DTD1: variants seen among roughly 807,000 people sequenced by gnomAD.
DTD1 encodes D-tyrosyl-tRNA deacylase 1 homolog.
A neutral mutation model predicts 25.6 loss-of-function variants in DTD1; 13 were observed. That is an observed-to-expected ratio of 0.51 (90% CI 0.33 to 0.81). The LOEUF is 0.81. Ranked by LOEUF, DTD1 falls within the 30% of genes least tolerant of loss-of-function variation. The pLI is 0.02. For missense variants in DTD1, 193 were observed against 266.4 expected, an observed-to-expected ratio of 0.72 and a Z score of 1.92; for synonymous variants, 110 against 103.6, an observed-to-expected ratio of 1.06 and a Z score of -0.37.
chr20:18,706,485 T>C (rs983073917), intron 4 of DTD1, among the ~76,000 whole-genome samples: 7 of 152,228 alleles, frequency 4.6e-5, no homozygotes, highest in Non-Finnish European at 1.0e-4. Flanking sequence ...AGGTAACCTG[T>C]CAGGTGGGTG....
intron 3 of DTD1, among the ~76,000 whole-genome samples, chr20:18,627,605 C>T (rs2060764792): frequency 6.6e-6 from 1 of 152,168 alleles, no homozygotes; most frequent in South Asian, 2.1e-4. Context: ...GCTAACTTTT[C>T]CTGTGTTGAG....
At chr20:18,661,606 C>G (rs1014366159) in intron 4 of DTD1, among the ~76,000 whole-genome samples, 1 of 152,088 alleles carries the variant, frequency 6.6e-6, no homozygotes, top group African/African-American at 2.4e-5. Context: ...CTCCTGACCT[C>G]GTGATCTGCC....
At chr20:18,680,934 G>A (rs369810452) in intron 4 of DTD1, among the ~76,000 whole-genome samples, 41 of 152,230 alleles carry the variant, frequency 2.7e-4, no homozygotes, top group African/African-American at 6.7e-4. Flanking sequence ...CTGTTACTGC[G>A]TCCCCAGGAA....
In DTD1 at chr20:18,596,043, G is replaced by A. The variant is rs1460260732; in HGVS notation, c.172G>A (p.Glu58Lys). 5.0e-6 allele frequency: 8 copies of A among 1,614,190 alleles called. No individual in the cohort carries two copies. The highest frequency in any genetic ancestry group is 6.8e-6 in the Non-Finnish European group (8 of 1,180,038). Reference protein sequence around the residue: ...KILNLRVFEDESGKHWSKSVM... With the variant: ...KILNLRVFEDKSGKHWSKSVM... ...TCTAAACCTGCGTGTATTTGAGGATGAGAGTGGGAAGCACTGGTCGAAGAG... is the reference window on the plus strand; with the variant it reads ...TCTAAACCTGCGTGTATTTGAGGATAAGAGTGGGAAGCACTGGTCGAAGAG... The change falls in exon 3 of 6, where the codon GAG (glutamate) becomes AAG (lysine). Residue 58 changes from glutamate to lysine, a missense_variant. By Grantham distance (56) the Glu-to-Lys change is moderately conservative (BLOSUM62 1). Transcript: ENST00000377452.
chr20:18,692,854 T>A (rs563326311), intron 4 of DTD1, among the ~76,000 whole-genome samples: 21 of 151,926 alleles, frequency 1.4e-4, no homozygotes, highest in African/African-American at 5.1e-4. Flanking sequence ...ATGCTACTTG[T>A]ACATCATTTG....
chr20:18,756,225 G>C (rs1450173810), intron 5 of DTD1, among the ~76,000 whole-genome samples: 1 of 152,196 alleles, frequency 6.6e-6, no homozygotes, highest in Non-Finnish European at 1.5e-5. Flanking sequence ...TAGGTTGCCT[G>C]TTCACTCTGA....
intron 4 of DTD1, among the ~76,000 whole-genome samples, chr20:18,640,595 T>C (rs2060824535): frequency 6.6e-6 from 1 of 152,000 alleles, no homozygotes; most frequent in Admixed American, 6.6e-5. Flanking sequence ...TTCACATTGT[T>C]ATGCAACTTT....
At chr20:18,646,435 C>T (rs1258661980) in intron 4 of DTD1, among the ~76,000 whole-genome samples, 2 of 152,114 alleles carry the variant, frequency 1.3e-5, no homozygotes, top group Non-Finnish European at 2.9e-5. Context: ...TGGGGCAATA[C>T]AAATGATGCT....
At chr20:18,748,759 C>T (rs2061310351) in intron 5 of DTD1, among the ~76,000 whole-genome samples, 2 of 152,218 alleles carry the variant, frequency 1.3e-5, no homozygotes, top group South Asian at 4.1e-4. Flanking sequence ...TCTTGCTTCT[C>T]TCACGTTAAT....
chr20:18,661,441 A>C (rs930163229), intron 4 of DTD1, among the ~76,000 whole-genome samples: 1 of 140,188 alleles, frequency 7.1e-6, no homozygotes, highest in Admixed American at 8.1e-5. Flanking sequence ...GTGCGATCTC[A>C]GCTCACTGCA....
chr20:18,728,443 C>T (rs544383170), intron 4 of DTD1, among the ~76,000 whole-genome samples: 45 of 152,278 alleles, frequency 3.0e-4, no homozygotes, highest in African/African-American at 9.1e-4. Flanking sequence ...ACAGGAGTCC[C>T]GTGGGGATCT....
rs142684351 is a variant in DTD1 at position 18,672,242 on chromosome 20, G to T, written c.477+44009G>T. On this transcript the variant is annotated intron_variant, in intron 4 of 5. Coordinates refer to ENST00000377452, the MANE Select transcript of DTD1 (RefSeq NM_080820.6). ...AAGTGAGACCCTGTCACAAATAAAA[G>T]AATGTAAAAGCTAAGTCATCATTGT... Among the ~76,000 whole-genome samples the T allele has an allele frequency of 1.4e-3, 208 of 151,992 alleles. 5 individuals carry two copies. The East Asian group carries it at 0.037, about 27-fold the overall frequency.
At chr20:18,688,885 G>GT (rs1034473245) in intron 4 of DTD1, among the ~76,000 whole-genome samples, 1 of 152,088 alleles carries the variant, frequency 6.6e-6, no homozygotes, top group African/African-American at 2.4e-5. Context: ...GGGGTGGCCT[G>GT]TGGGGGGTGG....
At position 18,755,540 on chromosome 20, in the gene DTD1, G is replaced by A. The variant is rs1313674120; in HGVS notation, c.*20-7820G>A. 3.9e-5 allele frequency among the ~76,000 whole-genome samples: 6 copies of A among 152,192 alleles called. No homozygotes were observed. The East Asian group carries it at 9.6e-4, about 24-fold the overall frequency. Reference sequence around the variant, plus strand: ...CGGTGTTTGGTTTTTTGTCCTTGGCGATAGTTTGCTGAGAATGATGGTTTC... The same window carrying A: ...CGGTGTTTGGTTTTTTGTCCTTGGCAATAGTTTGCTGAGAATGATGGTTTC... On this transcript the variant is annotated intron_variant, in intron 5 of 5. Transcript: ENST00000377452.
chr20:18,607,911 A>G (rs1423033506), intron 3 of DTD1, among the ~76,000 whole-genome samples: 1 of 151,900 alleles, frequency 6.6e-6, no homozygotes, highest in Admixed American at 6.6e-5. Flanking sequence ...AAGGGGTTTC[A>G]CCATGTTGGC....
chr20:18,608,226 C>A (rs2060670223), intron 3 of DTD1, among the ~76,000 whole-genome samples: 1 of 151,920 alleles, frequency 6.6e-6, no homozygotes, highest in African/African-American at 2.4e-5. Context: ...TCCTCTGTTT[C>A]ATTTTCGATA....
rs1171198403 is a variant in DTD1 at position 18,766,335 on chromosome 20, T to C, written c.*2995T>C. 2 of 152,186 alleles carry C rather than the reference T, an allele frequency of 1.3e-5. No individual in the cohort carries two copies. Among genetic ancestry groups the C allele is most frequent in the Non-Finnish European group, 2.9e-5 (2 of 68,032 alleles). The allele number at this position is 152,186 out of a possible 1,614,324, so 9.4% of individuals were successfully genotyped here. A position where few individuals can be genotyped will look rare whatever the true frequency, so the allele number is the denominator to read the frequency against. ...GTTTTTCAGCCAGGCACTTTAAGAA[T>C]TCTTAATTTGTTGTTCGTTATTGAT... On this transcript the variant is annotated 3_prime_UTR_variant, in exon 6 of 6. Transcript: ENST00000377452.
At chr20:18,622,479 T>G (rs1276120575) in intron 3 of DTD1, among the ~76,000 whole-genome samples, 2 of 152,354 alleles carry the variant, frequency 1.3e-5, no homozygotes, top group African/African-American at 4.8e-5. Flanking sequence ...GAAGGGAATT[T>G]CATTTTCTCC....
chr20:18,736,421 A>G (rs974390109), intron 4 of DTD1, among the ~76,000 whole-genome samples: 1 of 152,140 alleles, frequency 6.6e-6, no homozygotes, highest in Non-Finnish European at 1.5e-5. Context: ...TGGGAGCCTG[A>G]ACTTCCTTAT....
Sources: allele counts gnomAD v4.1 joint callset (sites outside exome capture counted in the v4.1 genomes callset), GRCh38; gene constraint gnomAD v4.1.1; transcripts MANE v1.5; gene names NCBI Gene and HGNC (gene_info 2026-07-23, HGNC 2026-07-21).